CCSER1: variants seen among roughly 807,000 people sequenced by gnomAD.
CCSER1 encodes the protein serine-rich coiled-coil domain-containing protein 1.
Under a neutral mutation model 82.0 loss-of-function variants are expected in CCSER1, and 41 were observed. The ratio of observed to expected loss-of-function variants is 0.50; its 90% CI spans 0.39 to 0.65. The LOEUF (loss-of-function observed/expected upper bound fraction) is 0.65, where lower values mean the gene tolerates loss of function less well. CCSER1 is among the 30% of genes least tolerant of loss of function. The pLI is 0.00. For missense variants in CCSER1, 1,119 were observed against 1,064.2 expected, an observed-to-expected ratio of 1.05 and a Z score of -0.72; for synonymous variants, 414 against 383.9, an observed-to-expected ratio of 1.08 and a Z score of -0.92.
chr4:91,565,025 GTTGTGTGTGTGTGTGTGTGTGTGT>G (rs1315577580), intron 10 of CCSER1, among the ~76,000 whole-genome samples: 4,921 of 120,418 alleles, frequency 0.041, 166 homozygotes, highest in South Asian at 0.19. Context: ...TGCACCTTGA[GTTGTGTGTGTGTGTGTGTGTGTGT>G]GTGTGTGTGT....
chr4:91,403,559 G>A (rs9995568), intron 10 of CCSER1, among the ~76,000 whole-genome samples: 6 of 152,122 alleles, frequency 3.9e-5, no homozygotes, highest in Non-Finnish European at 8.8e-5. Context: ...GTTATTTTGA[G>A]ATACGTCCCA....
chr4:90,426,242 A>G (rs1344136732), intron 4 of CCSER1, among the ~76,000 whole-genome samples: 1 of 152,200 alleles, frequency 6.6e-6, no homozygotes, highest in Non-Finnish European at 1.5e-5. Flanking sequence ...ATCTCTCTTC[A>G]TTTACAGTTA....
intron 10 of CCSER1, among the ~76,000 whole-genome samples, chr4:91,377,771 A>T (rs1750544113): frequency 6.6e-6 from 1 of 151,740 alleles, no homozygotes; most frequent in South Asian, 2.1e-4. Context: ...CCATCTGCCT[A>T]TTTTGGCTTT....
At chr4:90,337,120 A>G (rs559913322) in intron 3 of CCSER1, among the ~76,000 whole-genome samples, 4 of 152,282 alleles carry the variant, frequency 2.6e-5, no homozygotes, top group African/African-American at 7.2e-5. Flanking sequence ...ACTTCCATCA[A>G]TTATGTTTGT....
chr4:91,535,052 GT>G (rs1349319410), intron 10 of CCSER1, among the ~76,000 whole-genome samples: 1 of 151,708 alleles, frequency 6.6e-6, no homozygotes, highest in East Asian at 1.9e-4. Flanking sequence ...TGTGTTACAT[GT>G]GTAAGTATAA....
intron 5 of CCSER1, among the ~76,000 whole-genome samples, chr4:90,547,486 T>C (rs1452948643): frequency 1.3e-5 from 2 of 152,064 alleles, no homozygotes; most frequent in East Asian, 3.9e-4. Flanking sequence ...TTATTTTTAG[T>C]CTTGCAGTCT....
At chr4:91,479,046 A>G (rs1219522957) in intron 10 of CCSER1, among the ~76,000 whole-genome samples, 3 of 151,822 alleles carry the variant, frequency 2.0e-5, no homozygotes, top group Non-Finnish European at 4.4e-5. Context: ...TTCACTATTC[A>G]TTAGAGGGAT....
At chr4:90,578,599 C>T (rs1192340901) in intron 5 of CCSER1, among the ~76,000 whole-genome samples, 2 of 152,142 alleles carry the variant, frequency 1.3e-5, no homozygotes, top group African/African-American at 4.8e-5. Flanking sequence ...TTACATTGGA[C>T]CTCTCCAATA....
chr4:91,530,264 T>A (rs1393740671), intron 10 of CCSER1, among the ~76,000 whole-genome samples: 3 of 152,076 alleles, frequency 2.0e-5, no homozygotes, highest in African/African-American at 7.2e-5. Context: ...ATCAATAAGT[T>A]AATACATTTT....
intron 10 of CCSER1, among the ~76,000 whole-genome samples, chr4:91,556,620 T>TCCA (rs1762419082): frequency 6.6e-6 from 1 of 151,052 alleles, no homozygotes; most frequent in African/African-American, 2.4e-5. Context: ...AATTACTGGA[T>TCCA]GAAATATGTT....
intron 10 of CCSER1, among the ~76,000 whole-genome samples, chr4:91,475,203 TG>T (rs1427864911): frequency 6.6e-6 from 1 of 151,662 alleles, no homozygotes; most frequent in Non-Finnish European, 1.5e-5. Flanking sequence ...GTGTTTAATG[TG>T]GATTAATTTT....
At chr4:90,614,408 T>G (rs931460069) in intron 5 of CCSER1, among the ~76,000 whole-genome samples, 3 of 152,158 alleles carry the variant, frequency 2.0e-5, no homozygotes, top group African/African-American at 7.2e-5. Flanking sequence ...ATGATTAAGC[T>G]TGGTGAGCAA....
intron 1 of CCSER1, among the ~76,000 whole-genome samples, chr4:90,175,495 A>T (rs1732494843): frequency 6.6e-6 from 1 of 151,998 alleles, no homozygotes; most frequent in Non-Finnish European, 1.5e-5. Context: ...CTAATCCAAT[A>T]ATCCAGAATA....
chr4:91,443,429 C>T lies in CCSER1; in HGVS notation c.2218-155143C>T, dbSNP rs1578471350. 2.1e-5 allele frequency among the ~76,000 whole-genome samples: 3 copies of T among 145,248 alleles called. No individual in the cohort carries two copies. The East Asian group carries it at 6.1e-4, about 29-fold the overall frequency. On this transcript the variant is annotated intron_variant, in intron 10 of 10. Coordinates refer to ENST00000509176, the MANE Select transcript of CCSER1 (RefSeq NM_001145065.2). ...GACAAAAAACCAAACACTGCATGTT[C>T]TCACTCATATGTGGGAATTGAACAA...
chr4:91,172,591 G>A (rs1375030034), intron 10 of CCSER1, among the ~76,000 whole-genome samples: 1 of 152,110 alleles, frequency 6.6e-6, no homozygotes, highest in Non-Finnish European at 1.5e-5. Flanking sequence ...TTTGCTGAGT[G>A]CAGTATACGT....
At chr4:91,272,756 T>G (rs945581428) in intron 10 of CCSER1, among the ~76,000 whole-genome samples, 6 of 152,248 alleles carry the variant, frequency 3.9e-5, no homozygotes, top group African/African-American at 1.4e-4. Flanking sequence ...TGATTCATCT[T>G]GAGTTTATTT....
At chr4:91,571,421 G>A (rs369663092) in intron 10 of CCSER1, among the ~76,000 whole-genome samples, 1 of 152,122 alleles carries the variant, frequency 6.6e-6, no homozygotes, top group African/African-American at 2.4e-5. Context: ...CTGAGACTGG[G>A]TAATTTATAA....
rs76331329 is a variant in CCSER1, at chr4:90,732,027, T to TTCTCTCTCTCTCTCTCTC, written c.2010+8053_2010+8070dup. Among the ~76,000 whole-genome samples, 753 of 131,096 alleles carry TTCTCTCTCTCTCTCTCTC rather than the reference T, an allele frequency of 5.7e-3. 34 individuals carry two copies. The highest frequency in any genetic ancestry group is 0.021 in the African/African-American group (644 of 30,792). The allele number at this position is 131,096 out of a possible 152,430, so 86.0% of individuals were successfully genotyped here. A position where few individuals can be genotyped will look rare whatever the true frequency, so the allele number is the denominator to read the frequency against. ...CTGAAAACACTGTACCTATTGGGAT[T>TTCTCTCTCTCTCTCTCTC]TCTCTCTCTCTCTCTCTCTCTCTCT... On this transcript the variant is annotated intron_variant, in intron 7 of 10. Transcript: ENST00000509176.
intron 8 of CCSER1, among the ~76,000 whole-genome samples, chr4:90,886,010 A>G (rs953359722): frequency 5.9e-5 from 9 of 151,982 alleles, no homozygotes; most frequent in Admixed American, 1.3e-4. Flanking sequence ...TCCTGCCCCC[A>G]AGAGCTGTTC....
Sources: gnomAD v4.1 joint callset for allele counts (sites outside exome capture counted in the v4.1 genomes callset) on GRCh38, gnomAD v4.1.1 for gene constraint, MANE v1.5 for transcripts, NCBI Gene and HGNC (gene_info 2026-07-23, HGNC 2026-07-21) for gene names.